Variants in BEND6 observed in about 807,000 individuals in gnomAD.
BEND6 encodes the protein BEN domain containing 6.
A neutral mutation model predicts 31.8 loss-of-function variants in BEND6; 24 were observed. That is an observed-to-expected ratio of 0.75 (90% CI 0.55 to 1.06). The LOEUF (loss-of-function observed/expected upper bound fraction) is 1.06. Among genes scored for constraint, BEND6 ranks in the 50% least tolerant of loss-of-function variants. BEND6 has a pLI of 0.00. For missense variants in BEND6, 294 were observed against 327.4 expected (o/e 0.90, Z 0.79); for synonymous variants, 109 against 114.6 (o/e 0.95, Z 0.31).
intron 6 of BEND6, among the ~76,000 whole-genome samples, chr6:57,025,520 T>C (rs1290763141): frequency 6.6e-6 from 1 of 152,200 alleles, no homozygotes; most frequent in Non-Finnish European, 1.5e-5. Flanking sequence ...CCAAAGAGGA[T>C]ATCCTGGTTA....
At chr6:56,974,663 T>C (rs1411793601) in intron 1 of BEND6, among the ~76,000 whole-genome samples, 1 of 152,230 alleles carries the variant, frequency 6.6e-6, no homozygotes, top group South Asian at 2.1e-4. Flanking sequence ...GCTTTAATAA[T>C]TGACAGCATT....
intron 3 of BEND6, among the ~76,000 whole-genome samples, chr6:57,001,891 G>A (rs1272792209): frequency 6.6e-6 from 1 of 152,132 alleles, no homozygotes; most frequent in Non-Finnish European, 1.5e-5. Flanking sequence ...TCATATATCA[G>A]TATTAACTTT....
intron 1 of BEND6, among the ~76,000 whole-genome samples, chr6:56,965,188 T>C (rs531875043): frequency 6.6e-6 from 1 of 151,284 alleles, no homozygotes; most frequent in African/African-American, 2.5e-5. Context: ...TGATCATTTG[T>C]TTTTTTTAAA....
intron 1 of BEND6, among the ~76,000 whole-genome samples, chr6:56,978,033 A>G (rs192545180): frequency 6.6e-6 from 1 of 152,132 alleles, no homozygotes; most frequent in Admixed American, 6.5e-5. Context: ...GGGAGGCCAA[A>G]GCAGAAGGAT....
chr6:56,959,336 T>C (rs1825209705), intron 1 of BEND6, among the ~76,000 whole-genome samples: 1 of 152,224 alleles, frequency 6.6e-6, no homozygotes, highest in African/African-American at 2.4e-5. Flanking sequence ...TGTCTTGGAA[T>C]GTAGCCTAGG....
rs143303989 is a variant in BEND6, at chr6:57,023,793, T to C, written c.*10-2289T>C. ...GCTAGTAAGCTAGGATCTCACTATG[T>C]TGCCTAGGCTCAGTGTTATTATTGA... On this transcript the variant is annotated intron_variant, in intron 6 of 6. Transcript: ENST00000370746. Among the ~76,000 whole-genome samples, 509 of 152,280 alleles carry C rather than the reference T, an allele frequency of 3.3e-3. 3 individuals are homozygous for C. Among genetic ancestry groups the C allele is most frequent in the Non-Finnish European group, 4.7e-3 (321 of 68,014 alleles).
rs568682866 is a variant in BEND6 at position 57,013,704 on chromosome 6, C to G, written c.299-1429C>G. The G allele has an allele frequency of 3.3e-5, 5 of 152,562 alleles. No homozygotes were observed. The South Asian group carries it at 1.0e-3, about 32-fold the overall frequency. The allele number at this position is 152,562 out of a possible 1,614,324, so 9.5% of individuals were successfully genotyped here. A position where few individuals can be genotyped will look rare whatever the true frequency, so the allele number is the denominator to read the frequency against. ...AAGAAATTCCAAGGAACAGTTACTT[C>G]CCAGGAACTGGGACAAAGGCCAGAT... On this transcript the variant is annotated intron_variant, in intron 3 of 6. Coordinates refer to ENST00000370746, the MANE Select transcript of BEND6 (RefSeq NM_152731.3).
chr6:56,999,582 C>T (rs1411101376), intron 3 of BEND6, among the ~76,000 whole-genome samples: 1 of 152,222 alleles, frequency 6.6e-6, no homozygotes, highest in East Asian at 1.9e-4. Flanking sequence ...AGTGCTGATG[C>T]TTGTGCCTGC....
chr6:56,963,283 C>T (rs1162693504), intron 1 of BEND6, among the ~76,000 whole-genome samples: 4 of 152,148 alleles, frequency 2.6e-5, no homozygotes, highest in Non-Finnish European at 4.4e-5. Context: ...AAGGCCAACC[C>T]GACACTCCAG....
rs559375710 is a variant in BEND6 at position 57,021,424 on chromosome 6, C to G, written c.*9+2867C>G. Among the ~76,000 whole-genome samples the G allele has an allele frequency of 5.3e-5, 8 of 152,320 alleles. No homozygotes were observed. The South Asian group carries it at 1.2e-3, about 24-fold the overall frequency. On this transcript the variant is annotated intron_variant, in intron 6 of 6. Coordinates refer to ENST00000370746, the MANE Select transcript of BEND6 (RefSeq NM_152731.3). ...CATGGTCCCTGTGGTAGACCGTGCC[C>G]TCCACTCAGTCCTGAGCTCAGGTTG...
At chr6:57,000,929 G>A (rs1488251112) in intron 3 of BEND6, among the ~76,000 whole-genome samples, 2 of 131,848 alleles carry the variant, frequency 1.5e-5, no homozygotes, top group Non-Finnish European at 3.2e-5. Context: ...TAGAAATGAA[G>A]CCAAAAGACC....
chr6:57,008,081 A>G, intron 3 of BEND6: 3 of 679,002 alleles, frequency 4.4e-6, no homozygotes, highest in Non-Finnish European at 8.0e-6. Context: ...AAGGTCAGAG[A>G]CAAAAATGCT....
intron 2 of BEND6, among the ~76,000 whole-genome samples, chr6:56,987,997 AT>A (rs1192985901): frequency 6.6e-6 from 1 of 150,824 alleles, no homozygotes; most frequent in Non-Finnish European, 1.5e-5. Flanking sequence ...GTAAATGTGA[AT>A]GCTTTTTTCC....
intron 6 of BEND6, among the ~76,000 whole-genome samples, chr6:57,025,722 G>A (rs1223367130): frequency 1.3e-5 from 2 of 152,280 alleles, no homozygotes; most frequent in African/African-American, 4.8e-5. Context: ...TGATGCTGGG[G>A]ATATTAGGGG....
At chr6:56,988,501 G>A (rs749962170) in intron 2 of BEND6, among the ~76,000 whole-genome samples, 6 of 152,084 alleles carry the variant, frequency 3.9e-5, no homozygotes, top group Non-Finnish European at 7.4e-5. Flanking sequence ...AATGATTATT[G>A]AATGTTTACT....
intron 2 of BEND6, among the ~76,000 whole-genome samples, chr6:56,991,107 G>GA (rs1168301631): frequency 2.0e-5 from 3 of 152,092 alleles, no homozygotes; most frequent in African/African-American, 7.2e-5. Context: ...ATTGATAATT[G>GA]AAAAAATTGC....
chr6:56,958,860 C>G (rs1450273346), intron 1 of BEND6, among the ~76,000 whole-genome samples: 16 of 152,124 alleles, frequency 1.1e-4, no homozygotes. Flanking sequence ...TTTCAGAGAA[C>G]TGATTCATCA....
chr6:57,001,828 A>G (rs1489248205), intron 3 of BEND6, among the ~76,000 whole-genome samples: 1 of 152,250 alleles, frequency 6.6e-6, no homozygotes, highest in Non-Finnish European at 1.5e-5. Flanking sequence ...AAATAACCAC[A>G]TGATAGAAAC....
chr6:57,004,809 A>T (rs1593013795), intron 3 of BEND6: 2 of 818,060 alleles, frequency 2.4e-6, no homozygotes, highest in East Asian at 4.9e-5. Flanking sequence ...ACCAATTAGG[A>T]TTGCCTGAGC....
Sources: allele counts gnomAD v4.1 joint callset (sites outside exome capture counted in the v4.1 genomes callset), GRCh38; gene constraint gnomAD v4.1.1; transcripts MANE v1.5; gene names NCBI Gene and HGNC (gene_info 2026-07-23, HGNC 2026-07-21).